Variants in PTPRD observed in about 807,000 individuals in gnomAD.
The protein encoded by PTPRD is protein tyrosine phosphatase receptor type D.
PTPRD carries 34 observed loss-of-function variants against 214.5 expected under a neutral mutation model. The observed-to-expected ratio is 0.16, with a 90% CI of 0.12 to 0.21. The LOEUF is 0.21. Among genes scored for constraint, PTPRD ranks in the 10% least tolerant of loss-of-function variants. PTPRD has a pLI of 1.00. For missense variants in PTPRD, 2,545 were observed against 2,398.7 expected (o/e 1.06, Z -1.27); for synonymous variants, 1,128 against 845.7 (o/e 1.33, Z -5.79).
intron 14 of PTPRD, among the ~76,000 whole-genome samples, chr9:8,630,018 A>G (rs1257637990): frequency 6.6e-6 from 1 of 151,798 alleles, no homozygotes; most frequent in African/African-American, 2.4e-5. Flanking sequence ...TTCTTCATTA[A>G]CCATACAGGT....
chr9:8,664,767 T>C (rs2097137389), intron 12 of PTPRD, among the ~76,000 whole-genome samples: 1 of 152,246 alleles, frequency 6.6e-6, no homozygotes, highest in Non-Finnish European at 1.5e-5. Flanking sequence ...TCCCCAGTCA[T>C]ATTCATATAC....
At chr9:9,600,700 A>G (rs16929890) in intron 7 of PTPRD, among the ~76,000 whole-genome samples, 23,724 of 151,992 alleles carry the variant, frequency 0.16, 2,258 homozygotes, top group African/African-American at 0.25. Context: ...TATGAATCTC[A>G]CAAGCTATGG....
chr9:9,939,683 C>A (rs554026256), intron 4 of PTPRD, among the ~76,000 whole-genome samples: 1 of 152,234 alleles, frequency 6.6e-6, no homozygotes, highest in East Asian at 1.9e-4. Flanking sequence ...ATGTGGCTCC[C>A]TGTATTTTGG....
intron 3 of PTPRD, among the ~76,000 whole-genome samples, chr9:10,247,135 C>T (rs890118790): frequency 6.6e-6 from 1 of 152,082 alleles, no homozygotes; most frequent in African/African-American, 2.4e-5. Flanking sequence ...CAAGGTGTTA[C>T]ACAAAGTAAA....
At chr9:9,550,099 A>AC (rs890682916) in intron 8 of PTPRD, among the ~76,000 whole-genome samples, 8 of 151,892 alleles carry the variant, frequency 5.3e-5, no homozygotes, top group Non-Finnish European at 1.0e-4. Flanking sequence ...AAAGCAGATT[A>AC]CCCCCCATAA....
intron 5 of PTPRD, among the ~76,000 whole-genome samples, chr9:9,848,311 T>A (rs943023377): frequency 6.6e-6 from 1 of 151,970 alleles, no homozygotes; most frequent in Non-Finnish European, 1.5e-5. Context: ...AGCTTGGGGG[T>A]TGTAAATAAA....
At chr9:10,353,053 G>C (rs2097209104) in intron 2 of PTPRD, among the ~76,000 whole-genome samples, 1 of 151,890 alleles carries the variant, frequency 6.6e-6, no homozygotes, top group African/African-American at 2.4e-5. Flanking sequence ...CTTTTAACAA[G>C]TCCCTTAAAA....
At chr9:9,001,707 C>A (rs888370344) in intron 11 of PTPRD, among the ~76,000 whole-genome samples, 5 of 151,964 alleles carry the variant, frequency 3.3e-5, no homozygotes, top group African/African-American at 1.2e-4. Context: ...AAAAATACAT[C>A]CAGAGTTCTA....
At position 8,321,475 on chromosome 9, in the gene PTPRD, GTGTGTGTGTGTGTATATATATATATATA is replaced by G. The variant is rs1462055432; in HGVS notation, c.5535-1537_5535-1510del. Among the ~76,000 whole-genome samples, 789 of 100,006 alleles carry G rather than the reference GTGTGTGTGTGTGTATATATATATATATA, an allele frequency of 7.9e-3. 26 individuals carry two copies. The highest frequency in any genetic ancestry group is 0.028 in the African/African-American group (714 of 25,100). The allele number at this position is 100,006 out of a possible 152,430, so 65.6% of individuals were successfully genotyped here. A position where few individuals can be genotyped will look rare whatever the true frequency, so the allele number is the denominator to read the frequency against. ...AGAAGTCTTCTTTGTGTGTGTGTGT[GTGTGTGTGTGTGTATATATATATATATA>G]TATATATATATATATATATATATAA... On this transcript the variant is annotated intron_variant, in intron 44 of 45. Transcript: ENST00000381196.
At chr9:10,182,072 G>A (rs1593357989) in intron 3 of PTPRD, among the ~76,000 whole-genome samples, 2 of 149,534 alleles carry the variant, frequency 1.3e-5, no homozygotes, top group East Asian at 2.0e-4. Flanking sequence ...TGGCTAATAC[G>A]GTGAAACCTG....
intron 19 of PTPRD, among the ~76,000 whole-genome samples, chr9:8,521,945 TTTAAG>T (rs2097900276): frequency 6.6e-6 from 1 of 152,192 alleles, no homozygotes; most frequent in Non-Finnish European, 1.5e-5. Context: ...CACCAGCATG[TTTAAG>T]TTGAGTATCA....
At chr9:10,167,111 A>C (rs1396294837) in intron 3 of PTPRD, among the ~76,000 whole-genome samples, 1 of 145,010 alleles carries the variant, frequency 6.9e-6, no homozygotes, top group Non-Finnish European at 1.5e-5. Flanking sequence ...TTAGACTTAT[A>C]AAAGTAGACC....
At chr9:10,087,051 A>G (rs1011211636) in intron 3 of PTPRD, among the ~76,000 whole-genome samples, 3 of 151,762 alleles carry the variant, frequency 2.0e-5, no homozygotes, top group African/African-American at 7.2e-5. Context: ...AGCCTTTTAC[A>G]AATTTCTGGG....
At chr9:9,310,819 G>A (rs975573653) in intron 9 of PTPRD, among the ~76,000 whole-genome samples, 1 of 151,996 alleles carries the variant, frequency 6.6e-6, no homozygotes, top group Non-Finnish European at 1.5e-5. Flanking sequence ...TCGGGAGGCT[G>A]AGGCAGTAGA....
At chr9:9,685,892 A>AC (rs962887228) in intron 7 of PTPRD, among the ~76,000 whole-genome samples, 7 of 151,398 alleles carry the variant, frequency 4.6e-5, no homozygotes, top group African/African-American at 1.5e-4. Flanking sequence ...AAAAGGAATT[A>AC]CTATAGTTTA....
At chr9:9,896,546 T>C (rs554445074) in intron 5 of PTPRD, among the ~76,000 whole-genome samples, 1 of 151,938 alleles carries the variant, frequency 6.6e-6, no homozygotes, top group Non-Finnish European at 1.5e-5. Flanking sequence ...AAGGAAAAAA[T>C]CTACAATGAT....
intron 5 of PTPRD, among the ~76,000 whole-genome samples, chr9:9,891,357 C>T (rs1037716954): frequency 6.6e-6 from 1 of 150,510 alleles, no homozygotes; most frequent in African/African-American, 2.5e-5. Context: ...TAATAAATGG[C>T]ATCAGGAAAA....
At chr9:9,935,819 T>G (rs1004851528) in intron 5 of PTPRD, among the ~76,000 whole-genome samples, 11 of 149,276 alleles carry the variant, frequency 7.4e-5, no homozygotes, top group Admixed American at 5.9e-4. Flanking sequence ...ACTACCTGAC[T>G]TCAAACTATA....
chr9:8,437,413 A>G (rs1252689399), intron 34 of PTPRD, among the ~76,000 whole-genome samples: 3 of 152,196 alleles, frequency 2.0e-5, no homozygotes, highest in South Asian at 4.1e-4. Flanking sequence ...AAGATCGCTA[A>G]TATTTCACAA....
Sources: gnomAD v4.1 joint callset for allele counts (sites outside exome capture counted in the v4.1 genomes callset) on GRCh38, gnomAD v4.1.1 for gene constraint, MANE v1.5 for transcripts, NCBI Gene and HGNC (gene_info 2026-07-23, HGNC 2026-07-21) for gene names.